Variants in DNAH1 observed in about 807,000 individuals in gnomAD.
The protein encoded by DNAH1 is dynein axonemal heavy chain 1.
A neutral mutation model predicts 484.3 loss-of-function variants in DNAH1; 327 were observed. That is an observed-to-expected ratio of 0.68 (90% CI 0.62 to 0.74). The LOEUF (loss-of-function observed/expected upper bound fraction) is 0.74. Ranked by LOEUF, DNAH1 falls within the 30% of genes least tolerant of loss-of-function variation. The pLI is 0.00. For synonymous variants in DNAH1, 2,192 were observed against 2,191.9 expected, an observed-to-expected ratio of 1.00 and a Z score of 0.00; for missense variants, 5,052 against 5,546.8, an observed-to-expected ratio of 0.91 and a Z score of 2.83.
At chr3:52,338,294 A>G (rs1316991405) in intron 8 of DNAH1, among the ~76,000 whole-genome samples, 1 of 152,130 alleles carries the variant, frequency 6.6e-6, no homozygotes, top group East Asian at 1.9e-4. Context: ...TTTTTAGTAA[A>G]GAAGGGATTT....
In DNAH1 at chr3:52,397,837, A is replaced by G; in HGVS notation, c.11918A>G (p.Gln3973Arg). The change falls in exon 74 of 78, where the codon CAA (glutamine) becomes CGA (arginine). Residue 3973 changes from glutamine to arginine, a missense_variant. Physicochemically the swap from Gln to Arg is conservative, Grantham distance 43. Around this residue, in one of 4 missense-constraint regions of DNAH1, gnomAD observed 853 missense variants for 899.0 expected, o/e 0.95. Transcript: ENST00000420323. ...CTCCTGGGCACCATCATCCAGCTGC[A>G]ACCCAAATCATCTTCTGCAGGCAGC... ...FALLGTIIQLQPKSSSAGSQG... is the reference protein window; with the variant it reads ...FALLGTIIQLRPKSSSAGSQG... 6.2e-7 allele frequency: 1 copy of G among 1,611,560 alleles called. No homozygotes were observed. The highest frequency in any genetic ancestry group is 8.5e-7 in the Non-Finnish European group (1 of 1,178,672).
chr3:52,357,962 G>A lies in DNAH1; in HGVS notation c.4045G>A (p.Val1349Met), dbSNP rs748397704. Residue 1349 changes from valine (V) to methionine (M), a missense_variant, in exon 24 of 78, where the codon GTG becomes ATG. Physicochemically the swap from Val to Met is conservative, Grantham distance 21. Transcript: ENST00000420323. ...GTCGCAGACAAAGGACCCCACGGCC[G>A]TGCAGCCACACCTGCGCAAGTGCTT... ...ILSQTKDPTA[V>M]QPHLRKCFEN... 2.7e-5 allele frequency: 44 copies of A among 1,612,834 alleles called. No individual in the cohort carries two copies. Among genetic ancestry groups the A allele is most frequent in the Middle Eastern group, 1.6e-4 (1 of 6,080 alleles).
upstream of DNAH1, among the ~76,000 whole-genome samples, chr3:52,312,520 G>A (rs1700813209): frequency 6.6e-6 from 1 of 150,710 alleles, no homozygotes; most frequent in South Asian, 2.1e-4. Flanking sequence ...ACCCAAGCTG[G>A]AGCACAGTGC....
intron 44 of DNAH1, chr3:52,374,482 T>C: frequency 1.4e-6 from 2 of 1,416,504 alleles, no homozygotes; most frequent in East Asian, 2.3e-5. Flanking sequence ...TTAAACAAAT[T>C]AGAAGCGATT....
At chr3:52,351,570 G>C (rs1171123227) in intron 16 of DNAH1, among the ~76,000 whole-genome samples, 12 of 152,246 alleles carry the variant, frequency 7.9e-5, no homozygotes. Flanking sequence ...AAGGCAGCTG[G>C]CCTGAGGGCC....
In DNAH1 at chr3:52,383,961, A is replaced by C; in HGVS notation, c.8252A>C (p.Lys2751Thr). 1.2e-6 allele frequency: 2 copies of C among 1,612,532 alleles called. No homozygotes were observed. The highest frequency in any genetic ancestry group is 4.5e-5 in the East Asian group (2 of 44,838). Reference protein sequence around the residue: ...WFNEWPAEALKSVATVFLNEI... With the variant: ...WFNEWPAEALTSVATVFLNEI... ...AACGAGTGGCCGGCAGAAGCCCTGA[A>C]GTCTGTGGCCACCGTGTTCCTCAAT... The change falls in exon 52 of 78, where the codon AAG becomes ACG. Residue 2751 changes from lysine to threonine, a missense_variant. By Grantham distance (78) the Lys-to-Thr change is moderately conservative (BLOSUM62 -1). Coordinates refer to ENST00000420323, the MANE Select transcript of DNAH1 (RefSeq NM_015512.5).
chr3:52,336,768 C>G (rs138266884), intron 8 of DNAH1, among the ~76,000 whole-genome samples: 6 of 152,086 alleles, frequency 3.9e-5, no homozygotes, highest in African/African-American at 7.2e-5. Context: ...TTTCTGGGCT[C>G]TCTATTTTGT....
At chr3:52,354,109 C>T (rs183463292) in intron 20 of DNAH1, among the ~76,000 whole-genome samples, 77 of 151,798 alleles carry the variant, frequency 5.1e-4, no homozygotes, top group Non-Finnish European at 7.2e-4. Context: ...CTGCAGTGAG[C>T]GGTGATTATG....
In DNAH1 at chr3:52,369,877, C is replaced by T. The variant is rs1238787773; in HGVS notation, c.5996C>T (p.Thr1999Ile). The change falls in exon 38 of 78, where the codon ACA becomes ATA. Residue 1999 changes from threonine (T) to isoleucine (I), a missense_variant. Physicochemically the swap from Thr to Ile is moderately conservative, Grantham distance 89 (BLOSUM62 -1). Around this residue, in one of 4 missense-constraint regions of DNAH1, gnomAD observed 2,929 missense variants for 3,409.4 expected, o/e 0.86. Transcript: ENST00000420323. ...GACCTGGCGGTGGCTTCACCAGCTA[C>T]AGTCTCCCGCTGTGGCATGGTGTAC... ...VQDLAVASPA[T>I]VSRCGMVYLE... 1.2e-6 allele frequency: 2 copies of T among 1,613,450 alleles called. No homozygotes were observed. The highest frequency in any genetic ancestry group is 2.2e-5 in the South Asian group (2 of 91,082).
At chr3:52,335,808 A>G (rs1701723071) in intron 8 of DNAH1, among the ~76,000 whole-genome samples, 1 of 141,564 alleles carries the variant, frequency 7.1e-6, no homozygotes, top group African/African-American at 2.6e-5. Context: ...ATAATTTTGT[A>G]TTTTTAGTAG....
At chr3:52,324,677 A>T (rs929480785) in intron 3 of DNAH1, among the ~76,000 whole-genome samples, 2 of 152,076 alleles carry the variant, frequency 1.3e-5, no homozygotes, top group African/African-American at 2.4e-5. Context: ...TTGCGCACTT[A>T]TCTGAGGGTC....
chr3:52,370,794 AC>A lies in DNAH1; in HGVS notation c.6495del (p.Asp2165GlufsTer15), dbSNP rs1305076939. On this transcript the variant is annotated frameshift_variant, in exon 41 of 78. Transcript: ENST00000420323. LOFTEE classifies it high-confidence loss of function. ...LEDAGISGTN[D>X]SEDEEEEYKQ... Reference sequence around the variant, plus strand: ...GACGCGGGCATCAGTGGCACCAACGACAGTGAGGATGAAGAGGAGGAATACA... The same window carrying A: ...GACGCGGGCATCAGTGGCACCAACGAAGTGAGGATGAAGAGGAGGAATACA... 6.2e-7 allele frequency: 1 copy of A among 1,605,982 alleles called. No individual in the cohort carries two copies. The highest frequency in any genetic ancestry group is 1.7e-5 in the Admixed American group (1 of 58,794).
At chr3:52,377,730 G>C (rs1365791734) in intron 46 of DNAH1, among the ~76,000 whole-genome samples, 1 of 143,310 alleles carries the variant, frequency 7.0e-6, no homozygotes, top group Non-Finnish European at 1.5e-5. Flanking sequence ...TTATGTGAAA[G>C]CTTGCATCTC....
In DNAH1 at chr3:52,394,502, C is replaced by G; in HGVS notation, c.10664C>G (p.Ser3555Trp). ...WRYLLSGGSI[S>W]IMTENPAPDW... Reference sequence around the variant, plus strand: ...TACCTCCTGTCTGGGGGCTCCATCTCGATCATGACTGAGAATCCGGCACCG... The same window carrying G: ...TACCTCCTGTCTGGGGGCTCCATCTGGATCATGACTGAGAATCCGGCACCG... Residue 3555 changes from serine to tryptophan, a missense_variant, in exon 67 of 78, where the codon TCG becomes TGG. By Grantham distance (177) the Ser-to-Trp change is radical (BLOSUM62 -3). Around this residue, in one of 4 missense-constraint regions of DNAH1, gnomAD observed 2,929 missense variants for 3,409.4 expected, o/e 0.86. Transcript: ENST00000420323. 1 of 1,613,992 alleles carries G rather than the reference C, an allele frequency of 6.2e-7. No individual in the cohort carries two copies. Among genetic ancestry groups the G allele is most frequent in the Non-Finnish European group, 8.5e-7 (1 of 1,179,862 alleles).
rs780701146 is a variant in DNAH1, at chr3:52,395,319, G to C, written c.10980G>C (p.Leu3660=). 1 of 1,613,484 alleles carries C rather than the reference G, an allele frequency of 6.2e-7. No individual in the cohort carries two copies. The highest frequency in any genetic ancestry group is 8.5e-7 in the Non-Finnish European group (1 of 1,179,768). Residue 3660 remains leucine (L), a synonymous_variant, in exon 69 of 78, where the codon CTG becomes CTC. Transcript: ENST00000420323. The surrounding 1 kb of genome is among the most constrained non-coding windows in gnomAD (Gnocchi z 4.4). ...PRFIEPQTAN[L]SVVFKDSNST... ...CCCTGCCCTTGCAGACAGCCAATCTGTCAGTGGTGTTCAAAGACTCCAACT... is the reference window on the plus strand; with the variant it reads ...CCCTGCCCTTGCAGACAGCCAATCTCTCAGTGGTGTTCAAAGACTCCAACT...
At chr3:52,378,338 G>A (rs539704228) in intron 46 of DNAH1, among the ~76,000 whole-genome samples, 1 of 151,548 alleles carries the variant, frequency 6.6e-6, no homozygotes, top group Non-Finnish European at 1.5e-5. Context: ...CCCCACGAGC[G>A]CCCCCAGTTC....
At chr3:52,387,178 C>A (rs760930198) in intron 56 of DNAH1, among the ~76,000 whole-genome samples, 1 of 152,214 alleles carries the variant, frequency 6.6e-6, no homozygotes, top group Non-Finnish European at 1.5e-5. Context: ...CAAGTCTCCA[C>A]AGCCTGGGGA....
Position 52,359,259 on chromosome 3 carries a change from A to G in DNAH1, c.4280A>G (p.Gln1427Arg), listed in dbSNP as rs377338018. 5.1e-6 allele frequency: 8 copies of G among 1,567,648 alleles called. No individual in the cohort carries two copies. The highest frequency in any genetic ancestry group is 1.4e-5 in the African/African-American group (1 of 73,772). The change falls in exon 26 of 78, where the codon CAG becomes CGG. Residue 1427 changes from glutamine (Q) to arginine (R), a missense_variant. Around this residue, in one of 4 missense-constraint regions of DNAH1, gnomAD observed 2,929 missense variants for 3,409.4 expected, o/e 0.86. Coordinates refer to ENST00000420323, the MANE Select transcript of DNAH1 (RefSeq NM_015512.5). ...IRAYPTMPRT[Q>R]WVLNWPGQVT... ...CTGTCTTCCCAGATGCCCAGGACCC[A>G]GTGGGTTCTGAACTGGCCTGGCCAG... is the stretch of plus-strand genomic sequence containing the variant.
At chr3:52,396,008 G>C (rs1704608170) in intron 70 of DNAH1, among the ~76,000 whole-genome samples, 1 of 149,786 alleles carries the variant, frequency 6.7e-6, no homozygotes, top group East Asian at 2.0e-4. Flanking sequence ...GTGCAATCTC[G>C]GTTCACTGCA....
Sources: gnomAD v4.1 joint callset for allele counts (sites outside exome capture counted in the v4.1 genomes callset) on GRCh38, gnomAD v4.1.1 for gene constraint, gnomAD v4.1.1 regional missense constraint, Gnocchi (gnomAD v3.1) non-coding constraint, MANE v1.5 for transcripts, NCBI Gene and HGNC (gene_info 2026-07-23, HGNC 2026-07-21) for gene names.